YBEY: variants seen among roughly 807,000 people sequenced by gnomAD.
The protein encoded by YBEY is ybeY metalloendoribonuclease.
Under a neutral mutation model 13.5 loss-of-function variants are expected in YBEY, and 15 were observed. The observed-to-expected ratio is 1.11, with a 90% CI of 0.75 to 1.72. The LOEUF is 1.72. Ranked by LOEUF, YBEY falls within the 40% of genes most tolerant of loss-of-function variation. YBEY has a pLI of 0.00. For missense variants in YBEY, 244 were observed against 208.4 expected (o/e 1.17, Z -1.05); for synonymous variants, 101 against 83.1 (o/e 1.21, Z -1.17).
At chr21:46,302,263 G>A, downstream of YBEY, 1 of 1,424,982 alleles carries the variant, frequency 7.0e-7, no homozygotes, top group Non-Finnish European at 9.2e-7. Context: ...CAGGATGGCA[G>A]GGTCTAAGCA....
At chr21:46,303,295 T>C in the YBEY span, among the ~76,000 whole-genome samples, 1 of 152,076 alleles carries the variant, frequency 6.6e-6, no homozygotes, top group Non-Finnish European at 1.5e-5. Context: ...GCCATGATCA[T>C]GCCCCTGCAC....
chr21:46,299,769 A>G (rs573235889), downstream of YBEY, among the ~76,000 whole-genome samples: 66 of 136,532 alleles, frequency 4.8e-4, no homozygotes, highest in African/African-American at 1.9e-3. Context: ...ACCACAGGCA[A>G]GGAGGTGTGG....
intron 4 of YBEY, among the ~76,000 whole-genome samples, chr21:46,296,771 G>A (rs1007624662): frequency 6.6e-6 from 1 of 151,818 alleles, no homozygotes; most frequent in African/African-American, 2.4e-5. Context: ...GAGGCAGGCG[G>A]ATCAACTGAG....
intron 2 of YBEY, among the ~76,000 whole-genome samples, chr21:46,287,572 A>G (rs1336583207): frequency 3.3e-5 from 5 of 152,182 alleles, no homozygotes; most frequent in Non-Finnish European, 5.9e-5. Context: ...TACAGACATG[A>G]TTTTTAATTT....
the YBEY span, among the ~76,000 whole-genome samples, chr21:46,308,386 G>A: frequency 1.1e-4 from 16 of 151,876 alleles, no homozygotes; most frequent in Non-Finnish European, 1.6e-4. Context: ...GTTTGAACCC[G>A]GGAGGCAGAG....
chr21:46,302,175 G>GC, downstream of YBEY: 3 of 1,456,326 alleles, frequency 2.1e-6, no homozygotes, highest in Non-Finnish European at 2.7e-6. Context: ...CGCACCTGCT[G>GC]CTTAGGACGC....
Position 46,297,668 on chromosome 21 carries a change from G to T in YBEY, c.*34G>T, listed in dbSNP as rs896998107. 1.6e-6 allele frequency: 2 copies of T among 1,282,966 alleles called. No individual in the cohort carries two copies. The highest frequency in any genetic ancestry group is 1.0e-6 in the Non-Finnish European group (1 of 1,003,742). 79.5% of individuals were successfully genotyped at this position (1,282,966 alleles called of 1,614,324 possible). ...TTCCTTCTGAAAGCGGGACGCGGGA[G>T]GGGTGGAGGCTGCGGGGAGCCGGGG... is the stretch of plus-strand genomic sequence containing the variant. On this transcript the variant is annotated 3_prime_UTR_variant, in exon 5 of 5. Transcript: ENST00000397701.
rs764585227 is a variant in YBEY, at chr21:46,287,141, CTCT to C, written c.210+23_210+25del. 5 of 739,154 alleles carry C rather than the reference CTCT, an allele frequency of 6.8e-6. No individual in the cohort carries two copies. The highest frequency in any genetic ancestry group is 3.2e-4 in the Middle Eastern group (1 of 3,096). 45.8% of individuals were successfully genotyped at this position (739,154 alleles called of 1,614,324 possible). On this transcript the variant is annotated intron_variant, in intron 2 of 4. Coordinates refer to ENST00000397701, the MANE Select transcript of YBEY (RefSeq NM_001314025.2). ...TTCATGAGGTAAAAAAAAAATGTTC[CTCT>C]TCTTGTCTAGCCCATCTTCCCAGAG...
intron 4 of YBEY, among the ~76,000 whole-genome samples, chr21:46,296,644 C>T (rs1162453605): frequency 6.6e-6 from 1 of 152,180 alleles, no homozygotes; most frequent in Non-Finnish European, 1.5e-5. Context: ...GCACGCAAGC[C>T]CGTGTTGGGA....
Position 46,297,616 on chromosome 21 carries a change from C to A in YBEY, c.486C>A (p.Gly162=), listed in dbSNP as rs368106152. 114 of 1,359,906 alleles carry A rather than the reference C, an allele frequency of 8.4e-5. No homozygotes were observed. In the African/African-American group the frequency reaches 1.5e-3, roughly 18 times the overall value. 84.2% of individuals were successfully genotyped at this position (1,359,906 alleles called of 1,614,324 possible). ...CCCGGCTGCAGCCCCTGACCCGGGG[C>A]CTCTTCGGAGGGAGCTGAGGGCCGC... is the stretch of plus-strand genomic sequence containing the variant. The part of the protein sequence containing the change: ...TGTRLQPLTR[G]LFGGS The change falls in exon 5 of 5, where the codon GGC becomes GGA. Residue 162 remains glycine (G), a synonymous_variant. Coordinates refer to ENST00000397701, the MANE Select transcript of YBEY (RefSeq NM_001314025.2).
intron 2 of YBEY, among the ~76,000 whole-genome samples, chr21:46,288,291 C>T (rs1237022730): frequency 6.6e-6 from 1 of 152,214 alleles, no homozygotes; most frequent in East Asian, 1.9e-4. Context: ...ATTGTAGCAG[C>T]AGGAATTGGA....
At chr21:46,310,491 T>TAAA in the YBEY span, among the ~76,000 whole-genome samples, 1 of 121,522 alleles carries the variant, frequency 8.2e-6, no homozygotes, top group Non-Finnish European at 1.6e-5. Context: ...ACAAAAAAAA[T>TAAA]AAAAATAAAA....
chr21:46,287,882 G>T (rs950049155), intron 2 of YBEY, among the ~76,000 whole-genome samples: 1 of 151,898 alleles, frequency 6.6e-6, no homozygotes, highest in Non-Finnish European at 1.5e-5. Context: ...GGTGGAGGGG[G>T]GCACCTATAA....
chr21:46,300,879 C>CA (rs928831560), downstream of YBEY: 6,127 of 896,798 alleles, frequency 6.8e-3, 1 homozygote, highest in South Asian at 0.012. Context: ...TAATTGCACC[C>CA]AAAAAAAAAA....
chr21:46,302,228 C>A, downstream of YBEY: 1 of 1,432,392 alleles, frequency 7.0e-7, no homozygotes, highest in Non-Finnish European at 9.1e-7. Context: ...CTGTTCCTAA[C>A]TGGGGCTGGA....
chr21:46,298,591 G>A (rs542956949), downstream of YBEY, among the ~76,000 whole-genome samples: 6 of 151,320 alleles, frequency 4.0e-5, no homozygotes, highest in South Asian at 2.1e-4. Context: ...CACCTCGCCC[G>A]GCTAATTTTT....
chr21:46,302,423 A>T, downstream of YBEY: 1 of 1,360,286 alleles, frequency 7.4e-7, no homozygotes, highest in Non-Finnish European at 1.0e-6. Context: ...AGAAATTTCC[A>T]GAAGAAAAAC....
At chr21:46,309,391 G>A in the YBEY span, among the ~76,000 whole-genome samples, 1 of 151,330 alleles carries the variant, frequency 6.6e-6, no homozygotes, top group African/African-American at 2.4e-5. Flanking sequence ...GAACCCGGTG[G>A]GCAGAGGTTG....
At chr21:46,305,382 C>T in the YBEY span, among the ~76,000 whole-genome samples, 3 of 141,406 alleles carry the variant, frequency 2.1e-5, no homozygotes, top group East Asian at 2.0e-4. Flanking sequence ...CAAGCTGGGA[C>T]GCCTTGGTGT....
Sources: gnomAD v4.1 joint callset for allele counts (sites outside exome capture counted in the v4.1 genomes callset) on GRCh38, gnomAD v4.1.1 for gene constraint, MANE v1.5 for transcripts, NCBI Gene and HGNC (gene_info 2026-07-23, HGNC 2026-07-21) for gene names.